Variants in GPM6A observed in about 807,000 individuals in gnomAD.
GPM6A encodes neuronal membrane glycoprotein M6-a.
In GPM6A, 7 loss-of-function variants were observed where a neutral mutation model predicts 32.1. That is an observed-to-expected ratio of 0.22 (90% CI 0.12 to 0.41). The LOEUF (loss-of-function observed/expected upper bound fraction) is 0.41. Among genes scored for constraint, GPM6A ranks in the 10% least tolerant of loss-of-function variants. The probability of loss-of-function intolerance (pLI) is 1.00; values close to 1 mark genes in which losing one functional copy is unlikely to be tolerated. For missense variants in GPM6A, 235 were observed against 347.2 expected (o/e 0.68, Z 2.57); for synonymous variants, 130 against 123.4 (o/e 1.05, Z -0.35).
intron 1 of GPM6A, among the ~76,000 whole-genome samples, chr4:175,811,692 G>A (rs1734925972): frequency 1.3e-5 from 2 of 152,084 alleles, no homozygotes; most frequent in Middle Eastern, 3.4e-3. Flanking sequence ...TTGCATCCTC[G>A]TTTTTAGTTT....
Position 175,856,071 on chromosome 4 carries a change from A to T in GPM6A, c.-22-43822T>A, listed in dbSNP as rs1160728280. Among the ~76,000 whole-genome samples, 19 of 152,226 alleles carry T rather than the reference A, an allele frequency of 1.2e-4. 1 individual carries two copies. Among genetic ancestry groups the T allele is most frequent in the Admixed American group, 1.2e-3 (19 of 15,286 alleles). On this transcript the variant is annotated intron_variant, in intron 1 of 7. Coordinates refer to the GPM6A transcript ENST00000280187. ...TCTGGAACATCTTTTAGTTCAAGAA[A>T]AAAGGAATTATTCAAAAAAGGAAAG... is the stretch of plus-strand genomic sequence containing the variant.
At chr4:175,984,854 A>G (rs1740926970) in intron 1 of GPM6A, among the ~76,000 whole-genome samples, 1 of 152,188 alleles carries the variant, frequency 6.6e-6, no homozygotes, top group Non-Finnish European at 1.5e-5. Context: ...TTGTCCCATC[A>G]CCATTTTTTG....
intron 1 of GPM6A, among the ~76,000 whole-genome samples, chr4:175,842,266 C>T (rs966908821): frequency 2.6e-5 from 4 of 152,036 alleles, no homozygotes; most frequent in Admixed American, 2.6e-4. Flanking sequence ...ATAATTTTGA[C>T]TCTGCTATTT....
intron 6 of GPM6A, among the ~76,000 whole-genome samples, chr4:175,637,697 ATTATATATTATATATATTT>A (rs1740852348): frequency 1.1e-3 from 2 of 1,858 alleles, no homozygotes; most frequent in African/African-American, 1.6e-3. Flanking sequence ...TATATAATAT[ATTATATATTATATATATTT>A]ATATATAATA....
At chr4:175,636,939 T>C (rs1330001556) in intron 6 of GPM6A, among the ~76,000 whole-genome samples, 1 of 123,584 alleles carries the variant, frequency 8.1e-6, no homozygotes, top group African/African-American at 3.0e-5. Flanking sequence ...CACTCATGCA[T>C]ATATATATAT....
chr4:175,982,016 A>T (rs1004280479), intron 1 of GPM6A, among the ~76,000 whole-genome samples: 4 of 152,102 alleles, frequency 2.6e-5, no homozygotes, highest in Non-Finnish European at 5.9e-5. Flanking sequence ...CTGACTAATA[A>T]TATTTTATGT....
chr4:175,985,757 T>G (rs541828994), intron 1 of GPM6A, among the ~76,000 whole-genome samples: 1 of 152,320 alleles, frequency 6.6e-6, no homozygotes, highest in Non-Finnish European at 1.5e-5. Flanking sequence ...CTTATAATTT[T>G]TATCATAAGT....
intron 4 of GPM6A, among the ~76,000 whole-genome samples, chr4:175,643,026 T>TC (rs199867932): frequency 6.6e-6 from 1 of 152,106 alleles, no homozygotes; most frequent in Non-Finnish European, 1.5e-5. Flanking sequence ...TTCTCTTTTT[T>TC]CCCCCGCAAA....
chr4:175,919,199 T>C (rs1738590265), intron 1 of GPM6A, among the ~76,000 whole-genome samples: 1 of 152,178 alleles, frequency 6.6e-6, no homozygotes, highest in African/African-American at 2.4e-5. Flanking sequence ...TTCTTTTTTT[T>C]CCCCTTCTCA....
intron 1 of GPM6A, among the ~76,000 whole-genome samples, chr4:175,735,819 C>T (rs1731637717): frequency 6.6e-6 from 1 of 152,074 alleles, no homozygotes; most frequent in African/African-American, 2.4e-5. Flanking sequence ...CTTGGCCTCC[C>T]AAAGTGCTGG....
At chr4:175,725,241 G>A (rs753871069) in intron 1 of GPM6A, among the ~76,000 whole-genome samples, 3 of 151,602 alleles carry the variant, frequency 2.0e-5, no homozygotes, top group African/African-American at 4.8e-5. Context: ...CTTATTATTA[G>A]GCCCAAAAGA....
intron 1 of GPM6A, among the ~76,000 whole-genome samples, chr4:175,934,612 T>C (rs1388565550): frequency 6.6e-6 from 1 of 152,184 alleles, no homozygotes; most frequent in African/African-American, 2.4e-5. Context: ...TTGTTTTTGG[T>C]TCTAAAATTT....
intron 1 of GPM6A, among the ~76,000 whole-genome samples, chr4:175,981,458 G>A (rs1740813391): frequency 6.6e-6 from 1 of 152,072 alleles, no homozygotes; most frequent in East Asian, 1.9e-4. Flanking sequence ...TTTTTATCTT[G>A]ATTGCCTTTT....
intron 1 of GPM6A, among the ~76,000 whole-genome samples, chr4:175,783,058 T>C (rs1733672669): frequency 6.6e-6 from 1 of 152,010 alleles, no homozygotes; most frequent in Admixed American, 6.6e-5. Context: ...TAATGACAGT[T>C]TATTTAATTT....
chr4:175,858,001 G>GAA (rs138972659), intron 1 of GPM6A, among the ~76,000 whole-genome samples: 1 of 151,846 alleles, frequency 6.6e-6, no homozygotes, highest in Admixed American at 6.6e-5. Flanking sequence ...GGATAAATCT[G>GAA]AAAAAAATGG....
In GPM6A at chr4:175,905,311, C is replaced by T. The variant is rs566776057; in HGVS notation, c.-22-93062G>A. 1.1e-4 allele frequency among the ~76,000 whole-genome samples: 16 copies of T among 152,254 alleles called. No homozygotes were observed. In the South Asian group the frequency reaches 3.3e-3, roughly 32 times the overall value. ...CACTGCCTGTGGGCTACATGTGGCC[C>T]AGAATGGCTTTGAATGCAGCCCAAC... On this transcript the variant is annotated intron_variant, in intron 1 of 7. Transcript: ENST00000280187.
At chr4:176,000,202 A>G (rs984424113) in intron 1 of GPM6A, among the ~76,000 whole-genome samples, 5 of 152,198 alleles carry the variant, frequency 3.3e-5, no homozygotes, top group African/African-American at 1.2e-4. Context: ...CTGTCCTACT[A>G]GGCCCCTGAC....
intron 1 of GPM6A, among the ~76,000 whole-genome samples, chr4:176,001,242 G>A (rs1381477809): frequency 6.6e-6 from 1 of 152,168 alleles, no homozygotes; most frequent in East Asian, 1.9e-4. Flanking sequence ...TCACAACAAA[G>A]GACAAGGGAG....
At chr4:175,979,644 A>C (rs1454485305) in intron 1 of GPM6A, among the ~76,000 whole-genome samples, 1 of 152,144 alleles carries the variant, frequency 6.6e-6, no homozygotes, top group Non-Finnish European at 1.5e-5. Flanking sequence ...AGAGCTCCTG[A>C]GTTTCTGAGA....
Sources: gnomAD v4.1 joint callset for allele counts (sites outside exome capture counted in the v4.1 genomes callset) on GRCh38, gnomAD v4.1.1 for gene constraint, MANE v1.5 for transcripts, NCBI Gene and HGNC (gene_info 2026-07-23, HGNC 2026-07-21) for gene names.